The following SETD5 variants were observed in gnomAD, a reference collection of about 807,000 sequenced individuals.
SETD5 encodes the protein SET domain containing 5.
In SETD5, 44 loss-of-function variants were observed where a neutral mutation model predicts 153.3. The observed-to-expected ratio is 0.29, with a 90% CI of 0.23 to 0.37. SETD5 has a LOEUF of 0.37. Ranked by LOEUF, SETD5 falls within the 10% of genes least tolerant of loss-of-function variation. SETD5 has a pLI of 1.00. For synonymous variants in SETD5, 716 were observed against 645.2 expected, an observed-to-expected ratio of 1.11 and a Z score of -1.66; for missense variants, 1,544 against 1,768.0, an observed-to-expected ratio of 0.87 and a Z score of 2.27.
chr3:9,457,494 A>G (rs1043255229), intron 17 of SETD5, among the ~76,000 whole-genome samples: 3 of 151,096 alleles, frequency 2.0e-5, no homozygotes, highest in African/African-American at 4.8e-5. Context: ...CTCAAAAAAT[A>G]TATATATATA....
In SETD5 at chr3:9,453,780, A is replaced by G. The variant is rs372628120; in HGVS notation, c.2388A>G (p.Thr796=). 1.6e-5 allele frequency: 26 copies of G among 1,608,020 alleles called. No homozygotes were observed. Among genetic ancestry groups the G allele is most frequent in the Non-Finnish European group, 2.0e-5 (24 of 1,178,422 alleles). The part of the protein sequence containing the change: ...KQALEEGMTQ[T]SSVPQETRTQ... ...CCTTAGAAGAAGGGATGACTCAAAC[A>G]TCATCTGTACCCCAAGAGACTAGAA... The change falls in exon 17 of 23, where the codon ACA becomes ACG. Residue 796 remains threonine (T), a synonymous_variant. Coordinates refer to ENST00000402198, the MANE Select transcript of SETD5 (RefSeq NM_001080517.3).
chr3:9,465,055 T>C, intron 18 of SETD5: 1 of 222,864 alleles, frequency 4.5e-6, no homozygotes, highest in East Asian at 9.9e-5. Context: ...CAGATGATAT[T>C]GATTGATTGT....
intron 19 of SETD5, among the ~76,000 whole-genome samples, chr3:9,472,896 G>A (rs17050383): frequency 0.22 from 32,794 of 152,042 alleles, 4,517 homozygotes; most frequent in African/African-American, 0.39. Context: ...GCAAATAACT[G>A]TGATAGCATG....
At chr3:9,472,506 G>A (rs918908060) in intron 19 of SETD5, among the ~76,000 whole-genome samples, 2 of 152,068 alleles carry the variant, frequency 1.3e-5, no homozygotes, top group Non-Finnish European at 2.9e-5. Context: ...TTACCAAGTT[G>A]TTTTCTAGAG....
At position 9,434,178 on chromosome 3, in the gene SETD5, A is replaced by G; in HGVS notation, c.178-156A>G. 6.5e-7 allele frequency: 1 copy of G among 1,550,068 alleles called. No homozygotes were observed. The highest frequency in any genetic ancestry group is 8.7e-7 in the Non-Finnish European group (1 of 1,146,146). On this transcript the variant is annotated intron_variant, in intron 4 of 22. Transcript: ENST00000402198. This position sits in a 1 kb window ranked among gnomAD's most constrained non-coding sequence, Gnocchi z 5.6. ...CTTTCCTGGTTGAAGCCAAAAAACAAAGGGTACTACTTTCTTCTTTCTTTC... is the reference window on the plus strand; with the variant it reads ...CTTTCCTGGTTGAAGCCAAAAAACAGAGGGTACTACTTTCTTCTTTCTTTC...
At chr3:9,469,716 G>A (rs138951910) in intron 18 of SETD5, among the ~76,000 whole-genome samples, 48 of 152,262 alleles carry the variant, frequency 3.2e-4, no homozygotes, top group African/African-American at 1.1e-3. Flanking sequence ...TTGGAAGTTT[G>A]GAGGTTATGA....
intron 6 of SETD5, 120 bp downstream of exon 6, chr3:9,435,002 AG>A (rs1163734757): frequency 1.2e-5 from 14 of 1,164,826 alleles, no homozygotes; most frequent in African/African-American, 1.6e-5. Flanking sequence ...CTCACCACTT[AG>A]GGAGGCCAAA....
At chr3:9,451,920 T>G (rs2042668455) in intron 16 of SETD5, among the ~76,000 whole-genome samples, 1 of 152,238 alleles carries the variant, frequency 6.6e-6, no homozygotes. Flanking sequence ...TTCTTTTGAT[T>G]TTAACAACTT....
At position 9,447,133 on chromosome 3, in the gene SETD5, G is replaced by C. The variant is rs770369588; in HGVS notation, c.1608G>C (p.Leu536Phe). Residue 536 changes from leucine (L) to phenylalanine (F), a missense_variant, in exon 14 of 23, where the codon TTG becomes TTC. Leu to Phe is a conservative substitution (Grantham distance 22). Transcript: ENST00000402198. Reference protein sequence around the residue: ...EKRKKRRDQPLEQSNSDVEIT... With the variant: ...EKRKKRRDQPFEQSNSDVEIT... ...GAAAGAAGCGGCGGGATCAGCCCTT[G>C]GAACAGAGCAACTCTGATGTAGAGA... 1.2e-6 allele frequency: 2 copies of C among 1,613,990 alleles called. No individual in the cohort carries two copies. Among genetic ancestry groups the C allele is most frequent in the South Asian group, 2.2e-5 (2 of 91,076 alleles).
intron 18 of SETD5, among the ~76,000 whole-genome samples, chr3:9,466,498 A>G (rs2044601745): frequency 6.6e-6 from 1 of 152,052 alleles, no homozygotes; most frequent in South Asian, 2.1e-4. Context: ...TTAGAATACC[A>G]GGAGGGAAGG....
At chr3:9,451,751 G>A (rs1311544323) in intron 16 of SETD5, among the ~76,000 whole-genome samples, 1 of 152,144 alleles carries the variant, frequency 6.6e-6, no homozygotes, top group Non-Finnish European at 1.5e-5. Flanking sequence ...CAGCCTCACA[G>A]CCAAGTGTCA....
chr3:9,413,650 GTGTGTGTGTGT>G (rs2036951793), intron 1 of SETD5, among the ~76,000 whole-genome samples: 1 of 11,172 alleles, frequency 9.0e-5, no homozygotes, highest in Non-Finnish European at 1.6e-4. Flanking sequence ...GGGAGGCGGG[GTGTGTGTGTGT>G]GTGTGTGTGT....
intron 17 of SETD5, among the ~76,000 whole-genome samples, chr3:9,460,238 G>A (rs2043790311): frequency 6.6e-6 from 1 of 151,396 alleles, no homozygotes; most frequent in African/African-American, 2.4e-5. Flanking sequence ...ATAACAAAGG[G>A]AGAGATACGT....
At chr3:9,441,259 C>T (rs536504704) in intron 8 of SETD5, among the ~76,000 whole-genome samples, 15 of 151,888 alleles carry the variant, frequency 9.9e-5, no homozygotes, top group African/African-American at 3.6e-4. Context: ...TTCTATATAC[C>T]CTAGGTAGGA....
In SETD5 at chr3:9,413,924, C is replaced by T. The variant is rs559543000; in HGVS notation, c.-176-10543C>T. On this transcript the variant is annotated intron_variant, in intron 1 of 22. Coordinates refer to ENST00000402198, the MANE Select transcript of SETD5 (RefSeq NM_001080517.3). ...TCCCAAGTAGCTGGGACTGCAGGCG[C>T]GCGCCACCACGCCCAGCTAATTTTT... Among the ~76,000 whole-genome samples the T allele has an allele frequency of 1.4e-4, 21 of 152,008 alleles. No individual in the cohort carries two copies. The South Asian group carries it at 1.9e-3, about 14-fold the overall frequency.
intron 6 of SETD5, among the ~76,000 whole-genome samples, chr3:9,435,265 A>AG (rs1491209767): frequency 1.1e-4 from 16 of 147,526 alleles, no homozygotes; most frequent in Non-Finnish European, 2.1e-4. Context: ...AAAAAAAAAA[A>AG]GAACCCCTCT....
intron 1 of SETD5, among the ~76,000 whole-genome samples, chr3:9,403,332 C>G (rs111624252): frequency 1.6e-4 from 25 of 152,298 alleles, no homozygotes; most frequent in Non-Finnish European, 3.4e-4. Context: ...AGGTGCAAGT[C>G]ACCTCCCGAG....
intron 2 of SETD5, 116 bp from the exon 3 acceptor site, chr3:9,428,707 C>A: frequency 3.1e-6 from 1 of 324,890 alleles, no homozygotes; most frequent in Admixed American, 4.6e-5. Context: ...ATAATTATCC[C>A]TTAAAAGCCT....
rs2042275750 is a variant in SETD5 at position 9,448,600 on chromosome 3, G to T, written c.2316G>T (p.Leu772=). 1.9e-6 allele frequency: 3 copies of T among 1,603,660 alleles called. No individual in the cohort carries two copies. Among genetic ancestry groups the T allele is most frequent in the Non-Finnish European group, 2.6e-6 (3 of 1,173,230 alleles). Residue 772 remains leucine (L), a synonymous_variant, in exon 16 of 23, where the codon CTG becomes CTT. Transcript: ENST00000402198. The part of the protein sequence containing the change: ...FIPERRRRPL[L]PDGTFSSCKK... ...CTGAGAGACGTCGAAGGCCCCTTCTGCCTGATGGCACATTCAGCTCCTGTA... is the reference window on the plus strand; with the variant it reads ...CTGAGAGACGTCGAAGGCCCCTTCTTCCTGATGGCACATTCAGCTCCTGTA...
Sources: allele counts gnomAD v4.1 joint callset (sites outside exome capture counted in the v4.1 genomes callset), GRCh38; gene constraint gnomAD v4.1.1; non-coding constraint Gnocchi (gnomAD v3.1); transcripts MANE v1.5; gene names NCBI Gene and HGNC (gene_info 2026-07-23, HGNC 2026-07-21).